CACNA1C: variants seen among roughly 807,000 people sequenced by gnomAD.
The protein encoded by CACNA1C is calcium voltage-gated channel subunit alpha1 C, also known as voltage-dependent L-type calcium channel subunit alpha-1C.
CACNA1C carries 30 observed loss-of-function variants against 229.0 expected under a neutral mutation model. The ratio of observed to expected loss-of-function variants is 0.13; its 90% CI spans 0.10 to 0.18. The LOEUF is 0.18. Among genes scored for constraint, CACNA1C ranks in the 10% least tolerant of loss-of-function variants. The pLI, the probability that CACNA1C is intolerant of heterozygous loss-of-function variation, is 1.00. For missense variants in CACNA1C, 1,658 were observed against 2,845.0 expected (o/e 0.58, Z 9.49); for synonymous variants, 1,114 against 1,132.5 (o/e 0.98, Z 0.33).
At chr12:2,334,789 G>A (rs552577888) in intron 3 of CACNA1C, among the ~76,000 whole-genome samples, 214 of 152,222 alleles carry the variant, frequency 1.4e-3, no homozygotes, top group South Asian at 8.3e-3. Context: ...GATTAAATGA[G>A]ATGACAGCAA....
At position 2,591,236 on chromosome 12, in the gene CACNA1C, C is replaced by T. The variant is rs183332826; in HGVS notation, c.2531-1977C>T. Among the ~76,000 whole-genome samples, 362 of 151,822 alleles carry T rather than the reference C, an allele frequency of 2.4e-3. 3 individuals are homozygous for T. The highest frequency in any genetic ancestry group is 8.3e-3 in the African/African-American group (345 of 41,392). ...AGGCATTTTTTTTTTCTTTGCAGTA[C>T]CTGGCTTTGTTTGAACCAGAAGAGG... is the stretch of plus-strand genomic sequence containing the variant. On this transcript the variant is annotated intron_variant, in intron 18 of 46. Coordinates refer to ENST00000399655, the MANE Select transcript of CACNA1C (RefSeq NM_000719.7).
Position 2,691,137 on chromosome 12 carries a change from G to A in CACNA1C, c.6355G>A (p.Ala2119Thr), listed in dbSNP as rs1470889027. 7.5e-6 allele frequency: 12 copies of A among 1,607,270 alleles called. No individual in the cohort carries two copies. The highest frequency in any genetic ancestry group is 1.3e-5 in the African/African-American group (1 of 74,880). Residue 2119 changes from alanine to threonine, a missense_variant, in exon 47 of 47, where the codon GCG (alanine) becomes ACG (threonine). Ala to Thr is a moderately conservative substitution (Grantham distance 58). Around this residue, in one of 20 missense-constraint regions of CACNA1C, gnomAD observed 590 missense variants for 700.8 expected, o/e 0.84. Transcript: ENST00000399655. ...CGAAGAGGACGCGGGCTGTGTGCGCGCGCGGGGTCGACCGAGTGAGGAGGA... is the reference window on the plus strand; with the variant it reads ...CGAAGAGGACGCGGGCTGTGTGCGCACGCGGGGTCGACCGAGTGAGGAGGA... Reference protein sequence around the residue: ...GGEEDAGCVRARGRPSEEELQ... With the variant: ...GGEEDAGCVRTRGRPSEEELQ...
chr12:2,607,165 C>A, intron 26 of CACNA1C, 35 bp downstream of exon 26: 1 of 1,587,564 alleles, frequency 6.3e-7, no homozygotes, highest in Non-Finnish European at 8.6e-7. Flanking sequence ...CGAGCCCTGA[C>A]ATTCAAGGGC....
chr12:2,293,589 CTATCACTAGT>C (rs2154460024), intron 3 of CACNA1C, among the ~76,000 whole-genome samples: 1 of 152,304 alleles, frequency 6.6e-6, no homozygotes, highest in Non-Finnish European at 1.5e-5. Flanking sequence ...AGCTCACCAG[CTATCACTAGT>C]GTTAGTGTAT....
chr12:2,065,185 A>G (rs1466305878), intron 1 of CACNA1C, among the ~76,000 whole-genome samples: 3 of 152,204 alleles, frequency 2.0e-5, no homozygotes, highest in Non-Finnish European at 2.9e-5. Flanking sequence ...GATTCGAGCT[A>G]TACATCCAAG....
chr12:2,610,682 A>G lies in CACNA1C; in HGVS notation c.3700A>G (p.Ile1234Val), dbSNP rs752224738. The G allele has an allele frequency of 6.2e-7, 1 of 1,614,136 alleles. No homozygotes were observed. The highest frequency in any genetic ancestry group is 1.1e-5 in the South Asian group (1 of 91,080). The change falls in exon 28 of 47, where the codon ATC becomes GTC. Residue 1234 changes from isoleucine to valine, a missense_variant. Ile to Val is a conservative substitution (Grantham distance 29). This residue lies in a region of CACNA1C where 67 missense variants were observed against 106.4 expected (regional missense o/e 0.63). Coordinates refer to ENST00000399655, the MANE Select transcript of CACNA1C (RefSeq NM_000719.7). ...LMFVLILLNT[I>V]CLAMQHYGQS... ...GTTCGTCCTCATCCTGCTCAACACCATCTGCCTGGCCATGCAGGTCAGTCC... is the reference window on the plus strand; with the variant it reads ...GTTCGTCCTCATCCTGCTCAACACCGTCTGCCTGGCCATGCAGGTCAGTCC...
intron 3 of CACNA1C, among the ~76,000 whole-genome samples, chr12:2,303,701 C>T (rs1245006791): frequency 6.6e-6 from 1 of 152,208 alleles, no homozygotes; most frequent in Non-Finnish European, 1.5e-5. Flanking sequence ...GGTGGGGACA[C>T]ATTCAGCCCA....
intron 4 of CACNA1C, among the ~76,000 whole-genome samples, chr12:2,450,532 C>T (rs992998650): frequency 3.3e-4 from 34 of 102,638 alleles, no homozygotes; most frequent in African/African-American, 8.5e-4. Context: ...CCAGCCTGGG[C>T]AACAGAGCGA....
intron 1 of CACNA1C, among the ~76,000 whole-genome samples, chr12:2,038,835 C>T (rs1487791502): frequency 6.6e-6 from 1 of 151,984 alleles, no homozygotes; most frequent in Admixed American, 6.6e-5. Context: ...CCTAGCAATT[C>T]ACTCCAATAT....
At chr12:2,045,601 G>A (rs775155796) in intron 1 of CACNA1C, among the ~76,000 whole-genome samples, 13 of 152,198 alleles carry the variant, frequency 8.5e-5, no homozygotes, top group Non-Finnish European at 1.5e-4. Context: ...ACTCACTTAA[G>A]CTCTAACATA....
Position 2,115,247 on chromosome 12 carries a change from C to T in CACNA1C, c.73C>T (p.Pro25Ser). The T allele has an allele frequency of 6.3e-7, 1 of 1,582,538 alleles. No homozygotes were observed. Among genetic ancestry groups the T allele is most frequent in the Non-Finnish European group, 8.6e-7 (1 of 1,162,692 alleles). The change falls in exon 2 of 47, where the codon CCC (proline) becomes TCC (serine). Residue 25 changes from proline to serine, a missense_variant. Pro to Ser is a moderately conservative substitution (Grantham distance 74). Around this residue, in one of 20 missense-constraint regions of CACNA1C, gnomAD observed 111 missense variants for 128.0 expected, o/e 0.87. Transcript: ENST00000399655. The part of the protein sequence containing the change: ...HQGSNYGSPR[P>S]AHANMNANAA... ...AGGTTCCAACTATGGGAGCCCACGC[C>T]CCGCCCATGCCAACATGAATGCCAA...
At chr12:2,641,521 A>G (rs1009704736) in intron 30 of CACNA1C, 1 of 581,538 alleles carries the variant, frequency 1.7e-6, no homozygotes, top group African/African-American at 1.9e-5. Context: ...CCCCCTTCTC[A>G]TTGCTGGAGC....
intron 3 of CACNA1C, among the ~76,000 whole-genome samples, chr12:2,411,084 C>T (rs2098802420): frequency 6.6e-6 from 1 of 152,138 alleles, no homozygotes; most frequent in Non-Finnish European, 1.5e-5. Context: ...ATCATGATGT[C>T]CCCAACTGCT....
intron 5 of CACNA1C, among the ~76,000 whole-genome samples, chr12:2,462,260 C>T (rs1353563040): frequency 6.6e-6 from 1 of 151,134 alleles, no homozygotes; most frequent in African/African-American, 2.4e-5. Context: ...GCTCAGCTCT[C>T]CATACAGGCC....
chr12:2,064,884 T>C (rs1019471402), intron 1 of CACNA1C, among the ~76,000 whole-genome samples: 3 of 152,210 alleles, frequency 2.0e-5, no homozygotes, highest in Non-Finnish European at 4.4e-5. Context: ...CACACATACA[T>C]TGATGCCTCA....
chr12:2,430,753 A>G (rs2099075076), intron 3 of CACNA1C, among the ~76,000 whole-genome samples: 1 of 151,986 alleles, frequency 6.6e-6, no homozygotes, highest in South Asian at 2.1e-4. Flanking sequence ...TCCTTCCCCC[A>G]GGTGTATAGG....
At position 2,696,110 on chromosome 12, in the gene CACNA1C, CTT is replaced by C. The variant is rs2153903357; in HGVS notation, c.*4915_*4916del. 1 of 152,304 alleles carries C rather than the reference CTT, an allele frequency of 6.6e-6. No individual in the cohort carries two copies. Among genetic ancestry groups the C allele is most frequent in the South Asian group, 2.1e-4 (1 of 4,832 alleles). 9.4% of individuals were successfully genotyped at this position (152,304 alleles called of 1,614,324 possible). A position where few individuals can be genotyped will look rare whatever the true frequency, so the allele number is the denominator to read the frequency against. On this transcript the variant is annotated 3_prime_UTR_variant, in exon 47 of 47. Coordinates refer to ENST00000399655, the MANE Select transcript of CACNA1C (RefSeq NM_000719.7). ...CATTGAGAGAATACTACAATCAACA[CTT>C]TTTCCTGGGATGACTTTAAGAGGTT...
intron 3 of CACNA1C, among the ~76,000 whole-genome samples, chr12:2,390,226 G>A (rs192444991): frequency 2.6e-5 from 4 of 152,280 alleles, no homozygotes; most frequent in African/African-American, 7.2e-5. Context: ...GCCAAAGGGG[G>A]CCCTGACCAA....
chr12:2,280,233 TCTTGAGACC>T, intron 3 of CACNA1C, among the ~76,000 whole-genome samples: 1 of 111,530 alleles, frequency 9.0e-6, no homozygotes, highest in Admixed American at 8.1e-5. Flanking sequence ...CGGTTTAACC[TCTTGAGACC>T]TTGCTGTGCT....
Sources: gnomAD v4.1 joint callset for allele counts (sites outside exome capture counted in the v4.1 genomes callset) on GRCh38, gnomAD v4.1.1 for gene constraint, gnomAD v4.1.1 regional missense constraint, MANE v1.5 for transcripts, NCBI Gene and HGNC (gene_info 2026-07-23, HGNC 2026-07-21) for gene names.